OXR1: variants seen among roughly 807,000 people sequenced by gnomAD.
The protein encoded by OXR1 is oxidation resistance 1.
A neutral mutation model predicts 104.6 loss-of-function variants in OXR1; 41 were observed. The ratio of observed to expected loss-of-function variants is 0.39; its 90% CI spans 0.31 to 0.51. The LOEUF (loss-of-function observed/expected upper bound fraction) is 0.51, where lower values mean the gene tolerates loss of function less well. Ranked by LOEUF, OXR1 falls within the 20% of genes least tolerant of loss-of-function variation. OXR1 has a pLI of 0.77. For synonymous variants in OXR1, 348 were observed against 348.4 expected, an observed-to-expected ratio of 1.00 and a Z score of 0.01; for missense variants, 955 against 1,031.9, an observed-to-expected ratio of 0.93 and a Z score of 1.02.
rs144253103 is a variant in OXR1, at chr8:106,434,966, G to A, written c.23+75330G>A. 5.6e-3 allele frequency among the ~76,000 whole-genome samples: 856 copies of A among 152,136 alleles called. 10 individuals are homozygous for A. Among genetic ancestry groups the A allele is most frequent in the African/African-American group, 0.02 (813 of 41,518 alleles). ...ATGGTGAGATGACCATTGCTATGAA[G>A]CATATAACACAGGGCGGCATGACTG... On this transcript the variant is annotated intron_variant, in intron 2 of 16. Transcript: ENST00000517566.
intron 1 of OXR1, among the ~76,000 whole-genome samples, chr8:106,281,921 T>C (rs1221853944): frequency 6.7e-6 from 1 of 149,800 alleles, no homozygotes; most frequent in African/African-American, 2.5e-5. Flanking sequence ...GTGAGAAAAA[T>C]ACCCTATATA....
intron 2 of OXR1, among the ~76,000 whole-genome samples, chr8:106,441,728 G>A (rs1342425453): frequency 6.6e-6 from 1 of 152,054 alleles, no homozygotes; most frequent in Admixed American, 6.6e-5. Context: ...GCCAATTGTT[G>A]GTGTAAAGGA....
chr8:106,359,249 C>T (rs1412827665), intron 1 of OXR1, among the ~76,000 whole-genome samples: 1 of 152,070 alleles, frequency 6.6e-6, no homozygotes, highest in Non-Finnish European at 1.5e-5. Context: ...GGGGATTTAA[C>T]ATTTTATTAA....
chr8:106,406,014 A>G (rs1270913241), intron 2 of OXR1, among the ~76,000 whole-genome samples: 1 of 152,218 alleles, frequency 6.6e-6, no homozygotes, highest in Non-Finnish European at 1.5e-5. Flanking sequence ...TCTAAAAAGC[A>G]TGAATAGTCT....
intron 2 of OXR1, among the ~76,000 whole-genome samples, chr8:106,498,308 T>G (rs1811551441): frequency 6.6e-6 from 1 of 152,160 alleles, no homozygotes; most frequent in Admixed American, 6.6e-5. Context: ...ATACATGGAG[T>G]ATTCCTTTAA....
intron 11 of OXR1, among the ~76,000 whole-genome samples, chr8:106,732,240 C>A (rs1383354135): frequency 6.6e-6 from 1 of 152,140 alleles, no homozygotes; most frequent in South Asian, 2.1e-4. Context: ...GAAAGCCTGC[C>A]ATGATCACTT....
chr8:106,412,882 C>T (rs1315375303), intron 2 of OXR1, among the ~76,000 whole-genome samples: 1 of 152,004 alleles, frequency 6.6e-6, no homozygotes. Context: ...ACATGTATCT[C>T]TTCTATAATC....
At chr8:106,750,319 C>CT (rs35342472) in intron 16 of OXR1, among the ~76,000 whole-genome samples, 1 of 68,294 alleles carries the variant, frequency 1.5e-5, no homozygotes, top group African/African-American at 4.6e-5. Flanking sequence ...CTTTTCTTTT[C>CT]TTTTCTTTTT....
intron 2 of OXR1, among the ~76,000 whole-genome samples, chr8:106,405,758 TGAA>T (rs1201760987): frequency 6.6e-6 from 1 of 152,114 alleles, no homozygotes; most frequent in East Asian, 1.9e-4. Context: ...CTACAGATGA[TGAA>T]GGAGGCCAAT....
At chr8:106,443,136 A>G (rs1819861969) in intron 2 of OXR1, among the ~76,000 whole-genome samples, 1 of 151,852 alleles carries the variant, frequency 6.6e-6, no homozygotes, top group Non-Finnish European at 1.5e-5. Context: ...AAAGAACTTC[A>G]TTTCTGCCTT....
chr8:106,441,987 G>A (rs1239861993), intron 2 of OXR1, among the ~76,000 whole-genome samples: 1 of 151,358 alleles, frequency 6.6e-6, no homozygotes, highest in African/African-American at 2.4e-5. Flanking sequence ...GCATCCCTGT[G>A]TACTGGTTTT....
intron 4 of OXR1, among the ~76,000 whole-genome samples, chr8:106,681,145 G>A (rs192596624): frequency 2.4e-4 from 37 of 152,140 alleles, no homozygotes; most frequent in Non-Finnish European, 4.6e-4. Context: ...GGGCTGTTTT[G>A]TTACCTTCAT....
At chr8:106,317,864 C>T (rs987126229) in intron 1 of OXR1, among the ~76,000 whole-genome samples, 1 of 151,244 alleles carries the variant, frequency 6.6e-6, no homozygotes, top group East Asian at 1.9e-4. Flanking sequence ...TAGAAAATAG[C>T]TTTTTTTGGT....
At chr8:106,708,097 T>TAA (rs1831323489) in intron 9 of OXR1, among the ~76,000 whole-genome samples, 1 of 152,062 alleles carries the variant, frequency 6.6e-6, no homozygotes, top group Admixed American at 6.6e-5. Context: ...CTGTACCCCT[T>TAA]AAACAATAAG....
At chr8:106,714,460 A>G (rs1051559858) in intron 11 of OXR1, among the ~76,000 whole-genome samples, 1 of 152,082 alleles carries the variant, frequency 6.6e-6, no homozygotes, top group African/African-American at 2.4e-5. Context: ...AGACCTAAGC[A>G]TTATCTTGAC....
chr8:106,600,848 G>A (rs536938603), intron 3 of OXR1, among the ~76,000 whole-genome samples: 1 of 152,306 alleles, frequency 6.6e-6, no homozygotes, highest in Non-Finnish European at 1.5e-5. Context: ...TTCATGCTAG[G>A]CACTGTCTAA....
intron 2 of OXR1, among the ~76,000 whole-genome samples, chr8:106,500,349 A>C (rs753999729): frequency 6.6e-6 from 1 of 152,224 alleles, no homozygotes; most frequent in Non-Finnish European, 1.5e-5. Context: ...TCAACTCATG[A>C]CTTAGAAACC....
chr8:106,660,359 T>G (rs1825635543), intron 3 of OXR1, among the ~76,000 whole-genome samples: 1 of 152,240 alleles, frequency 6.6e-6, no homozygotes, highest in South Asian at 2.1e-4. Flanking sequence ...GTCAGTCTGT[T>G]TGAAGGATTT....
chr8:106,410,957 C>T (rs1368345272), intron 2 of OXR1, among the ~76,000 whole-genome samples: 1 of 152,106 alleles, frequency 6.6e-6, no homozygotes, highest in East Asian at 1.9e-4. Context: ...TGATTTAATA[C>T]ACCATTATTG....
Sources: allele counts gnomAD v4.1 joint callset (sites outside exome capture counted in the v4.1 genomes callset), GRCh38; gene constraint gnomAD v4.1.1; transcripts MANE v1.5; gene names NCBI Gene and HGNC (gene_info 2026-07-23, HGNC 2026-07-21).